Variants in CDH10 observed in about 807,000 individuals in gnomAD.
The protein encoded by CDH10 is cadherin 10.
In CDH10, 30 loss-of-function variants were observed where a neutral mutation model predicts 73.1. That is an observed-to-expected ratio of 0.41 (90% CI 0.31 to 0.56). The LOEUF (loss-of-function observed/expected upper bound fraction) is 0.56, where lower values mean the gene tolerates loss of function less well. Ranked by LOEUF, CDH10 falls within the 20% of genes least tolerant of loss-of-function variation. The pLI is 0.27. For missense variants in CDH10, 815 were observed against 973.7 expected (o/e 0.84, Z 2.17); for synonymous variants, 345 against 348.2 (o/e 0.99, Z 0.10).
chr5:24,520,484 A>T (rs1032197575), intron 5 of CDH10, among the ~76,000 whole-genome samples: 4 of 152,208 alleles, frequency 2.6e-5, no homozygotes, highest in African/African-American at 9.7e-5. Flanking sequence ...ACATAGTTAC[A>T]TACACATACA....
rs972055870 is a variant in CDH10 at position 24,571,612 on chromosome 5, G to A, written c.231+21648C>T. ...AGCAGCAGGAAGGCAAAAAGTGGAG[G>A]AGATTTACTAAGCATTTATAATATG... is the stretch of plus-strand genomic sequence containing the variant. On this transcript the variant is annotated intron_variant, in intron 2 of 11. Coordinates refer to ENST00000264463, the MANE Select transcript of CDH10 (RefSeq NM_006727.5). 5.3e-5 allele frequency among the ~76,000 whole-genome samples: 8 copies of A among 152,156 alleles called. No individual in the cohort carries two copies. The South Asian group carries it at 8.3e-4, about 16-fold the overall frequency.
intron 2 of CDH10, among the ~76,000 whole-genome samples, chr5:24,556,933 T>G (rs1744788542): frequency 6.6e-6 from 1 of 151,046 alleles, no homozygotes; most frequent in African/African-American, 2.4e-5. Context: ...TACTTCAAAT[T>G]TTTTAAACCA....
rs1325605237 is a variant in CDH10 at position 24,644,712 on chromosome 5, T to C, written c.-242A>G. 6.6e-6 allele frequency: 1 copy of C among 152,018 alleles called. No individual in the cohort carries two copies. Among genetic ancestry groups the C allele is most frequent in the Non-Finnish European group, 1.5e-5 (1 of 68,022 alleles). 9.4% of individuals were successfully genotyped at this position (152,018 alleles called of 1,614,324 possible). A position where few individuals can be genotyped will look rare whatever the true frequency, so the allele number is the denominator to read the frequency against. On this transcript the variant is annotated 5_prime_UTR_variant, in exon 1 of 12. Coordinates refer to ENST00000264463, the MANE Select transcript of CDH10 (RefSeq NM_006727.5). Reference sequence around the variant, plus strand: ...TGTTATTTTCTATCACTGATTCTACTTCAATCTAACTCAAGCTCTTTCTCA... The same window carrying C: ...TGTTATTTTCTATCACTGATTCTACCTCAATCTAACTCAAGCTCTTTCTCA...
chr5:24,529,268 G>A (rs960334383), intron 5 of CDH10, among the ~76,000 whole-genome samples: 1 of 151,848 alleles, frequency 6.6e-6, no homozygotes, highest in Non-Finnish European at 1.5e-5. Flanking sequence ...TCTCTTTTAG[G>A]TTCCTCATAA....
chr5:24,610,998 C>T (rs1004522248), intron 1 of CDH10, among the ~76,000 whole-genome samples: 7 of 152,186 alleles, frequency 4.6e-5, no homozygotes, highest in African/African-American at 1.2e-4. Flanking sequence ...GGCTATTACA[C>T]GCCAAACACA....
At chr5:24,584,878 A>C in intron 2 of CDH10, among the ~76,000 whole-genome samples, 1 of 144,100 alleles carries the variant, frequency 6.9e-6, no homozygotes. Flanking sequence ...ACAAGGTCTC[A>C]CTCTGTCATC....
At chr5:24,569,054 G>C (rs1745269504) in intron 2 of CDH10, among the ~76,000 whole-genome samples, 1 of 151,762 alleles carries the variant, frequency 6.6e-6, no homozygotes, top group Non-Finnish European at 1.5e-5. Flanking sequence ...AGCTTGCATT[G>C]AGCCGAGATC....
intron 1 of CDH10, among the ~76,000 whole-genome samples, chr5:24,615,239 TTGCATGGAAATCTCTTC>T (rs1229372814): frequency 6.6e-6 from 1 of 152,228 alleles, no homozygotes; most frequent in Admixed American, 6.5e-5. Context: ...GCTGTTCCTT[TTGCATGGAAATCTCTTC>T]TGCTCACTTT....
chr5:24,592,371 T>C (rs1746228945), intron 2 of CDH10, among the ~76,000 whole-genome samples: 1 of 151,832 alleles, frequency 6.6e-6, no homozygotes, highest in Admixed American at 6.6e-5. Context: ...TTTATGTTAG[T>C]CTACTTAATT....
intron 1 of CDH10, among the ~76,000 whole-genome samples, chr5:24,632,574 T>A (rs1015232682): frequency 2.6e-5 from 4 of 151,972 alleles, no homozygotes; most frequent in African/African-American, 4.8e-5. Context: ...GGGCTGTGCA[T>A]GAGAAATGGC....
intron 2 of CDH10, among the ~76,000 whole-genome samples, chr5:24,566,455 T>C (rs1198402518): frequency 2.6e-5 from 4 of 152,188 alleles, no homozygotes; most frequent in African/African-American, 4.8e-5. Flanking sequence ...AGTTGGTGCC[T>C]TACTTTTGAA....
intron 2 of CDH10, among the ~76,000 whole-genome samples, chr5:24,577,412 A>C (rs1235776512): frequency 3.3e-5 from 5 of 152,146 alleles, no homozygotes; most frequent in Non-Finnish European, 5.9e-5. Context: ...GTTTTTCAAA[A>C]TTTTAATTGC....
At chr5:24,593,118 T>C (rs2112091465) in intron 2 of CDH10, 142 bp downstream of exon 2, 1 of 560,756 alleles carries the variant, frequency 1.8e-6, no homozygotes, top group East Asian at 3.0e-5. Flanking sequence ...CAAATTGGAA[T>C]TCGTGTTCCA....
rs73743603 is a variant in CDH10 at position 24,494,337 on chromosome 5, C to A, written c.1516-1412G>T. ...TGAAAAAACATTTCTTGACTGATTT[C>A]TTGTCTGTCAAATGTACTCTTAAGG... On this transcript the variant is annotated intron_variant, in intron 9 of 11. Transcript: ENST00000264463. 5.1e-3 allele frequency among the ~76,000 whole-genome samples: 769 copies of A among 151,926 alleles called. 7 individuals carry two copies. Among genetic ancestry groups the A allele is most frequent in the African/African-American group, 0.017 (708 of 41,522 alleles).
rs368646057 is a variant in CDH10 at position 24,535,837 on chromosome 5, T to C, written c.527-15A>G. 7.5e-6 allele frequency: 12 copies of C among 1,601,300 alleles called. No individual in the cohort carries two copies. Among genetic ancestry groups the C allele is most frequent in the Non-Finnish European group, 9.4e-6 (11 of 1,172,172 alleles). On this transcript the variant is annotated splice_polypyrimidine_tract_variant and intron_variant, in intron 3 of 11. Transcript: ENST00000264463. ...CACAGAAGTACCTGAAGTATCCAAA[T>C]TCAGCTTAGTTCTGCACAGTACCAG...
At chr5:24,556,921 A>C (rs1185763060) in intron 2 of CDH10, among the ~76,000 whole-genome samples, 1 of 151,634 alleles carries the variant, frequency 6.6e-6, no homozygotes, top group Non-Finnish European at 1.5e-5. Context: ...TATATTCCCA[A>C]TTACTTCAAA....
At chr5:24,617,623 G>C (rs1169551266) in intron 1 of CDH10, among the ~76,000 whole-genome samples, 1 of 152,082 alleles carries the variant, frequency 6.6e-6, no homozygotes, top group African/African-American at 2.4e-5. Context: ...ATATTTATTA[G>C]ATCTTAGGAT....
intron 2 of CDH10, among the ~76,000 whole-genome samples, chr5:24,571,224 T>C (rs11948177): frequency 0.42 from 64,089 of 151,994 alleles, 14,675 homozygotes; most frequent in East Asian, 0.54. Flanking sequence ...TGCTTCAGTG[T>C]ATTTTAATAG....
chr5:24,554,078 G>C (rs150570595), intron 2 of CDH10: 1 of 59,636 alleles, frequency 1.7e-5, no homozygotes, highest in African/African-American at 5.5e-5. Context: ...GAGAGAGAGA[G>C]GAGAGACAGA....
Sources: gnomAD v4.1 joint callset for allele counts (sites outside exome capture counted in the v4.1 genomes callset) on GRCh38, gnomAD v4.1.1 for gene constraint, MANE v1.5 for transcripts, NCBI Gene and HGNC (gene_info 2026-07-23, HGNC 2026-07-21) for gene names.